The following PDZRN3 variants were observed in gnomAD, a reference collection of about 807,000 sequenced individuals.
PDZRN3 encodes the protein E3 ubiquitin-protein ligase PDZRN3.
PDZRN3 carries 38 observed loss-of-function variants against 85.7 expected under a neutral mutation model. That is an observed-to-expected ratio of 0.44 (90% CI 0.34 to 0.58). The LOEUF is 0.58. Among genes scored for constraint, PDZRN3 ranks in the 20% least tolerant of loss-of-function variants. The pLI is 0.01. For missense variants in PDZRN3, 1,629 were observed against 1,506.4 expected, an observed-to-expected ratio of 1.08 and a Z score of -1.35; for synonymous variants, 759 against 638.0, an observed-to-expected ratio of 1.19 and a Z score of -2.86.
intron 3 of PDZRN3, among the ~76,000 whole-genome samples, chr3:73,410,206 T>G (rs1032875722): frequency 6.6e-6 from 1 of 152,348 alleles, no homozygotes; most frequent in African/African-American, 2.4e-5. Flanking sequence ...TTTTTTTCAT[T>G]TAGGCAACTC....
At chr3:73,521,316 G>A (rs2106729600) in intron 3 of PDZRN3, among the ~76,000 whole-genome samples, 1 of 152,274 alleles carries the variant, frequency 6.6e-6, no homozygotes, top group East Asian at 1.9e-4. Context: ...CTCTCATTCT[G>A]AGGAGCTGAG....
chr3:73,523,215 C>T (rs112007251), intron 3 of PDZRN3, among the ~76,000 whole-genome samples: 178 of 152,088 alleles, frequency 1.2e-3, no homozygotes, highest in African/African-American at 4.1e-3. Flanking sequence ...TTGGTAGAGA[C>T]GGGATTTCAC....
intron 3 of PDZRN3, among the ~76,000 whole-genome samples, chr3:73,481,048 C>T (rs1045271705): frequency 6.6e-6 from 1 of 152,188 alleles, no homozygotes; most frequent in Non-Finnish European, 1.5e-5. Context: ...TGATTGCCCA[C>T]AGTCATGTTT....
intron 3 of PDZRN3, among the ~76,000 whole-genome samples, chr3:73,512,988 G>T (rs902207982): frequency 1.3e-5 from 2 of 152,070 alleles, no homozygotes; most frequent in African/African-American, 2.4e-5. Flanking sequence ...TAGAAAAAAT[G>T]AAAATGATTT....
chr3:73,559,682 T>C (rs572658840), intron 3 of PDZRN3, among the ~76,000 whole-genome samples: 1 of 152,210 alleles, frequency 6.6e-6, no homozygotes, highest in Non-Finnish European at 1.5e-5. Context: ...GGTTTGCTTT[T>C]AAAATAAGTT....
chr3:73,537,658 C>G (rs1287405785), intron 3 of PDZRN3, among the ~76,000 whole-genome samples: 1 of 152,014 alleles, frequency 6.6e-6, no homozygotes, highest in Non-Finnish European at 1.5e-5. Flanking sequence ...CTCACTCTGT[C>G]GCCCAGGCTG....
chr3:73,520,028 T>C (rs1455858476), intron 3 of PDZRN3, among the ~76,000 whole-genome samples: 2 of 152,136 alleles, frequency 1.3e-5, no homozygotes, highest in Non-Finnish European at 2.9e-5. Context: ...ATCCCATCCA[T>C]ACCTGTCAGC....
At chr3:73,621,840 T>C (rs1235853124) in intron 1 of PDZRN3, 1 of 152,224 alleles carries the variant, frequency 6.6e-6, no homozygotes, top group African/African-American at 2.4e-5. Flanking sequence ...TCCTTCTTTA[T>C]GCTACCCACT....
At chr3:73,385,264 G>A (rs946688503) in intron 9 of PDZRN3, among the ~76,000 whole-genome samples, 6 of 152,182 alleles carry the variant, frequency 3.9e-5, no homozygotes, top group African/African-American at 1.4e-4. Context: ...ACTCAATAAG[G>A]ACTCAATAAG....
At chr3:73,485,425 A>C (rs1281490535) in intron 3 of PDZRN3, among the ~76,000 whole-genome samples, 1 of 151,970 alleles carries the variant, frequency 6.6e-6, no homozygotes, top group East Asian at 1.9e-4. Context: ...TTACAGATTC[A>C]AACAAATTTT....
At chr3:73,479,917 T>C (rs1303803118) in intron 3 of PDZRN3, among the ~76,000 whole-genome samples, 2 of 152,112 alleles carry the variant, frequency 1.3e-5, no homozygotes, top group East Asian at 1.9e-4. Flanking sequence ...GAAAGGAAAT[T>C]AGATTAGCTG....
At chr3:73,540,103 A>C (rs1704881652) in intron 3 of PDZRN3, among the ~76,000 whole-genome samples, 2 of 151,386 alleles carry the variant, frequency 1.3e-5, no homozygotes, top group African/African-American at 4.8e-5. Context: ...AAAAAAAAAA[A>C]AAAAAAAACA....
At chr3:73,521,253 C>T (rs1414449562) in intron 3 of PDZRN3, among the ~76,000 whole-genome samples, 11 of 152,276 alleles carry the variant, frequency 7.2e-5, no homozygotes, top group African/African-American at 1.7e-4. Context: ...AAAGACTTCA[C>T]GCTCTGGACA....
intron 3 of PDZRN3, among the ~76,000 whole-genome samples, chr3:73,584,452 GGTGTGTGTGTGTGTGTGT>G (rs56393203): frequency 6.0e-5 from 5 of 83,918 alleles, no homozygotes; most frequent in Admixed American, 2.8e-4. Context: ...TTCATTTAAT[GGTGTGTGTGTGTGTGTGT>G]GTGTGTGTGT....
At chr3:73,569,633 C>T (rs1419258881) in intron 3 of PDZRN3, 2 of 945,268 alleles carry the variant, frequency 2.1e-6, no homozygotes, top group Non-Finnish European at 2.5e-6. Context: ...CTGGGGTCTT[C>T]TCCAGGCAGG....
At position 73,383,445 on chromosome 3, in the gene PDZRN3, G is replaced by C; in HGVS notation, c.3121C>G (p.Gln1041Glu). ...TTTGTGCCGTGGGTTAAGAGTTCTT[G>C]GATCGTCATCCAGTTATCGAAGATT... ...KKIFDNWMTI[Q>E]ELLTHGTKSP... Residue 1041 changes from glutamine to glutamate, a missense_variant, in exon 10 of 10, where the codon CAA becomes GAA. Gln to Glu is a conservative substitution (Grantham distance 29). Coordinates refer to ENST00000263666, the MANE Select transcript of PDZRN3 (RefSeq NM_015009.3). 1 of 1,614,080 alleles carries C rather than the reference G, an allele frequency of 6.2e-7. No homozygotes were observed. The highest frequency in any genetic ancestry group is 8.5e-7 in the Non-Finnish European group (1 of 1,179,984).
intron 3 of PDZRN3, among the ~76,000 whole-genome samples, chr3:73,496,992 G>C (rs1478970028): frequency 6.6e-6 from 1 of 152,136 alleles, no homozygotes; most frequent in Non-Finnish European, 1.5e-5. Flanking sequence ...GTGCTGATGT[G>C]GTTAACAAAT....
chr3:73,526,563 T>A (rs1419173369), intron 3 of PDZRN3, among the ~76,000 whole-genome samples: 2 of 152,208 alleles, frequency 1.3e-5, no homozygotes, highest in Non-Finnish European at 2.9e-5. Flanking sequence ...AGAACAAATC[T>A]GTAGCCATGA....
chr3:73,622,594 G>A (rs1702885078), intron 1 of PDZRN3, among the ~76,000 whole-genome samples: 1 of 152,270 alleles, frequency 6.6e-6, no homozygotes, highest in South Asian at 2.1e-4. Context: ...CACGACTTGG[G>A]AGGGAGGCCA....
Sources: gnomAD v4.1 joint callset for allele counts (sites outside exome capture counted in the v4.1 genomes callset) on GRCh38, gnomAD v4.1.1 for gene constraint, MANE v1.5 for transcripts, NCBI Gene and HGNC (gene_info 2026-07-23, HGNC 2026-07-21) for gene names.